The following PALD1 variants were observed in gnomAD, a reference collection of about 807,000 sequenced individuals.
PALD1 encodes paladin.
Under a neutral mutation model 96.0 loss-of-function variants are expected in PALD1, and 57 were observed. The ratio of observed to expected loss-of-function variants is 0.59; its 90% CI spans 0.48 to 0.74. The LOEUF is 0.74. PALD1 is among the 30% of genes least tolerant of loss of function. The probability of loss-of-function intolerance (pLI) is 0.00; values close to 1 mark genes in which losing one functional copy is unlikely to be tolerated. For missense variants in PALD1, 1,063 were observed against 1,143.7 expected (o/e 0.93, Z 1.02); for synonymous variants, 464 against 473.6 (o/e 0.98, Z 0.26).
At chr10:70,552,572 C>CA (rs560232841) in intron 18 of PALD1, among the ~76,000 whole-genome samples, 326 of 152,268 alleles carry the variant, frequency 2.1e-3, no homozygotes, top group African/African-American at 7.2e-3. Flanking sequence ...CCATCTCAGC[C>CA]AGTCTTATTT....
chr10:70,549,769 G>T (rs1046506321), intron 18 of PALD1, among the ~76,000 whole-genome samples: 1 of 152,272 alleles, frequency 6.6e-6, no homozygotes, highest in African/African-American at 2.4e-5. Flanking sequence ...GGGGCTGCTA[G>T]AGGTGACTGC....
At chr10:70,507,298 G>T (rs1381214643) in intron 1 of PALD1, among the ~76,000 whole-genome samples, 1 of 151,806 alleles carries the variant, frequency 6.6e-6, no homozygotes, top group Non-Finnish European at 1.5e-5. Context: ...TATAATCCCA[G>T]CTACTTGGGA....
chr10:70,476,324 T>C (rs1845821968), upstream of PALD1, among the ~76,000 whole-genome samples: 1 of 152,226 alleles, frequency 6.6e-6, no homozygotes, highest in Admixed American at 6.5e-5. Context: ...CTCTTGGGTG[T>C]ACCCAGGGCT....
At chr10:70,494,949 G>A (rs1428842162) in intron 1 of PALD1, among the ~76,000 whole-genome samples, 6 of 152,234 alleles carry the variant, frequency 3.9e-5, no homozygotes, top group Admixed American at 2.6e-4. Context: ...TAATTTGGCA[G>A]TATCTCGGAA....
rs148604149 is a variant in PALD1 at position 70,484,159 on chromosome 10, C to T, written c.-30+5100C>T. On this transcript the variant is annotated intron_variant, in intron 1 of 19. Transcript: ENST00000263563. The stretch of plus-strand genomic sequence containing the variant: ...CTGGGATTACAGGTGCCCACCACTA[C>T]GCCCAGCTAATTTTTGTATTTTTAA... 3.2e-3 allele frequency among the ~76,000 whole-genome samples: 480 copies of T among 152,092 alleles called. 1 individual carries two copies. The highest frequency in any genetic ancestry group is 4.6e-3 in the Non-Finnish European group (315 of 67,986).
chr10:70,546,222 G>GATCTCACCA (rs1847359237), intron 17 of PALD1, among the ~76,000 whole-genome samples: 1 of 152,140 alleles, frequency 6.6e-6, no homozygotes, highest in Non-Finnish European at 1.5e-5. Flanking sequence ...GGGTGACAGG[G>GATCTCACCA]CGAGACTCCA....
At chr10:70,558,685 ATTCTTGTAAGAATTTGCTAAAATTC>A (rs1470441680) in intron 18 of PALD1, among the ~76,000 whole-genome samples, 1 of 137,532 alleles carries the variant, frequency 7.3e-6, no homozygotes, top group Non-Finnish European at 1.6e-5. Context: ...ATTTTAGCAA[ATTCTTGTAAGAATTTGCTAAAATTC>A]TTCTTACTAA....
At chr10:70,552,372 G>A (rs1435006142) in intron 18 of PALD1, among the ~76,000 whole-genome samples, 2 of 152,140 alleles carry the variant, frequency 1.3e-5, no homozygotes, top group Non-Finnish European at 2.9e-5. Context: ...GGACCTCGTA[G>A]CGCATGTGGC....
chr10:70,519,099 A>G (rs1172060082), intron 1 of PALD1, among the ~76,000 whole-genome samples: 2 of 152,050 alleles, frequency 1.3e-5, no homozygotes, highest in African/African-American at 4.8e-5. Flanking sequence ...GAAAGAGAGC[A>G]TTTTACTATG....
chr10:70,512,189 CA>C (rs1276873434), intron 1 of PALD1, among the ~76,000 whole-genome samples: 4 of 152,228 alleles, frequency 2.6e-5, no homozygotes, highest in African/African-American at 9.6e-5. Flanking sequence ...GCCTGTTAGT[CA>C]CATGGCCCCA....
upstream of PALD1, among the ~76,000 whole-genome samples, chr10:70,476,155 A>G (rs1365750962): frequency 6.6e-6 from 1 of 152,170 alleles, no homozygotes; most frequent in African/African-American, 2.4e-5. Flanking sequence ...TCTGGGACCC[A>G]TGAATCTTTT....
At chr10:70,532,129 ATCCTCTG>A (rs1847006308) in intron 5 of PALD1, among the ~76,000 whole-genome samples, 1 of 152,134 alleles carries the variant, frequency 6.6e-6, no homozygotes, top group Admixed American at 6.5e-5. Flanking sequence ...CTGTTTCAGT[ATCCTCTG>A]TCCTCCTCCT....
chr10:70,490,941 A>G (rs1846086969), intron 1 of PALD1, among the ~76,000 whole-genome samples: 1 of 151,916 alleles, frequency 6.6e-6, no homozygotes, highest in African/African-American at 2.4e-5. Flanking sequence ...ATCTGCTTGT[A>G]GTGGCTCTTA....
intron 10 of PALD1, among the ~76,000 whole-genome samples, chr10:70,535,285 T>C (rs142802639): frequency 6.6e-6 from 1 of 152,364 alleles, no homozygotes; most frequent in East Asian, 1.9e-4. Context: ...GAGGTGGGCT[T>C]GATAGTGTTT....
chr10:70,520,163 T>G (rs1171124527), intron 1 of PALD1, among the ~76,000 whole-genome samples: 1 of 152,056 alleles, frequency 6.6e-6, no homozygotes, highest in Non-Finnish European at 1.5e-5. Flanking sequence ...GCGTAGTGGC[T>G]GGGGTCAGTG....
At position 70,541,623 on chromosome 10, in the gene PALD1, C is replaced by T. The variant is rs553725065; in HGVS notation, c.2121+89C>T. The T allele has an allele frequency of 8.0e-5, 72 of 902,862 alleles. 1 individual carries two copies. The South Asian group carries it at 8.4e-4, about 11-fold the overall frequency. The allele number at this position is 902,862 out of a possible 1,614,324, so 55.9% of individuals were successfully genotyped here. On this transcript the variant is annotated intron_variant, in intron 17 of 19. Transcript: ENST00000263563. The stretch of plus-strand genomic sequence containing the variant: ...TGCCGGTCTAGGGGTCCTCAAAGCA[C>T]GTCCCAATGCAGTCACGTCTGCCAC...
chr10:70,554,514 C>T (rs549337000), intron 18 of PALD1, among the ~76,000 whole-genome samples: 3 of 152,238 alleles, frequency 2.0e-5, no homozygotes, highest in South Asian at 2.1e-4. Context: ...GCGCTTTGGA[C>T]GGAAGTTAGA....
intron 1 of PALD1, among the ~76,000 whole-genome samples, chr10:70,497,961 A>G (rs1846224734): frequency 6.6e-6 from 1 of 152,090 alleles, no homozygotes; most frequent in Non-Finnish European, 1.5e-5. Flanking sequence ...TGGGCGTTTA[A>G]AATTGTATAA....
At chr10:70,488,560 T>C (rs2132266282) in intron 1 of PALD1, among the ~76,000 whole-genome samples, 1 of 152,352 alleles carries the variant, frequency 6.6e-6, no homozygotes, top group African/African-American at 2.4e-5. Flanking sequence ...TGGTCTTTTT[T>C]CTGTACCTCT....
Sources: allele counts gnomAD v4.1 joint callset (sites outside exome capture counted in the v4.1 genomes callset), GRCh38; gene constraint gnomAD v4.1.1; transcripts MANE v1.5; gene names NCBI Gene and HGNC (gene_info 2026-07-23, HGNC 2026-07-21).